Variants in CNTNAP5 observed in about 807,000 individuals in gnomAD.
CNTNAP5 encodes contactin associated protein family member 5.
A neutral mutation model predicts 150.2 loss-of-function variants in CNTNAP5; 72 were observed. The ratio of observed to expected loss-of-function variants is 0.48; its 90% confidence interval spans 0.40 to 0.58. The LOEUF (loss-of-function observed/expected upper bound fraction) is 0.58, where lower values mean the gene tolerates loss of function less well. Among genes scored for constraint, CNTNAP5 ranks in the 20% least tolerant of loss-of-function variants. The pLI is 0.00. For missense variants in CNTNAP5, 1,636 were observed against 1,626.2 expected (o/e 1.01, Z -0.10); for synonymous variants, 672 against 619.8 (o/e 1.08, Z -1.25).
At chr2:124,554,928 G>T (rs774305254) in intron 10 of CNTNAP5, among the ~76,000 whole-genome samples, 3 of 152,094 alleles carry the variant, frequency 2.0e-5, no homozygotes, top group Non-Finnish European at 4.4e-5. Context: ...GATATTCATT[G>T]TTAGACTTAA....
intron 3 of CNTNAP5, among the ~76,000 whole-genome samples, chr2:124,357,896 G>A (rs1349814872): frequency 2.0e-5 from 3 of 151,024 alleles, no homozygotes; most frequent in Non-Finnish European, 4.4e-5. Context: ...ATTACCTTGG[G>A]CAGTATGGCA....
In CNTNAP5 at chr2:124,107,594, T is replaced by A. The variant is rs561481575; in HGVS notation, c.82+81862T>A. ...TTGATTAGATTGTGTAGTAGAAAGT[T>A]ATGCTTTTAGTTAATCAAATTTTTT... On this transcript the variant is annotated intron_variant, in intron 1 of 23. Coordinates refer to ENST00000682447, the MANE Select transcript of CNTNAP5 (RefSeq NM_001367498.1). Among the ~76,000 whole-genome samples, 10 of 152,350 alleles carry A rather than the reference T, an allele frequency of 6.6e-5. No individual in the cohort carries two copies. The South Asian group carries it at 1.4e-3, about 22-fold the overall frequency.
chr2:124,200,022 T>C (rs1200110200), intron 1 of CNTNAP5, among the ~76,000 whole-genome samples: 1 of 152,196 alleles, frequency 6.6e-6, no homozygotes, highest in Non-Finnish European at 1.5e-5. Flanking sequence ...TGAATAATGT[T>C]CATGGTGGGC....
chr2:124,231,132 G>T (rs904156825), intron 2 of CNTNAP5, among the ~76,000 whole-genome samples: 1 of 152,138 alleles, frequency 6.6e-6, no homozygotes, highest in African/African-American at 2.4e-5. Flanking sequence ...AACAGCTGGT[G>T]CTTCTGCAAA....
intron 13 of CNTNAP5, among the ~76,000 whole-genome samples, chr2:124,701,094 T>C (rs1414549168): frequency 6.6e-6 from 1 of 152,044 alleles, no homozygotes; most frequent in African/African-American, 2.4e-5. Context: ...TAATGTACCT[T>C]AGATCTCTAG....
At chr2:124,711,960 G>C (rs1160206185) in intron 13 of CNTNAP5, among the ~76,000 whole-genome samples, 1 of 152,090 alleles carries the variant, frequency 6.6e-6, no homozygotes, top group African/African-American at 2.4e-5. Context: ...CCCTAGACAC[G>C]TGCAGAAGAT....
chr2:124,245,971 G>A (rs7592148), intron 3 of CNTNAP5, among the ~76,000 whole-genome samples: 27,819 of 151,756 alleles, frequency 0.18, 2,656 homozygotes, highest in Non-Finnish European at 0.22. Context: ...TCTCCAACTC[G>A]TAGGCCCAAG....
rs542519601 is a variant in CNTNAP5 at position 124,047,751 on chromosome 2, C to T, written c.82+22019C>T. On this transcript the variant is annotated intron_variant, in intron 1 of 23. Transcript: ENST00000682447. ...GGTACAGACTCCTTACTCAGCCCTC[C>T]TCTCTTTTTTCAGCTCTATCGTTCC... 5.8e-4 allele frequency among the ~76,000 whole-genome samples: 89 copies of T among 152,300 alleles called. 4 individuals are homozygous for T. In the South Asian group the frequency reaches 0.018, roughly 31 times the overall value.
intron 5 of CNTNAP5, among the ~76,000 whole-genome samples, chr2:124,444,330 C>A (rs1177434265): frequency 6.6e-6 from 1 of 152,146 alleles, no homozygotes; most frequent in Non-Finnish European, 1.5e-5. Context: ...CGCAGTGGCT[C>A]ACACCTGTAA....
intron 19 of CNTNAP5, among the ~76,000 whole-genome samples, chr2:124,856,075 GGTGTGTGTGTGTGTGTGT>G (rs56676705): frequency 4.9e-5 from 7 of 144,232 alleles, no homozygotes; most frequent in East Asian, 2.1e-4. Flanking sequence ...AATAGTCCAT[GGTGTGTGTGTGTGTGTGT>G]GTGTGTGTGT....
At chr2:124,324,197 A>G (rs144523343) in intron 3 of CNTNAP5, among the ~76,000 whole-genome samples, 208 of 152,286 alleles carry the variant, frequency 1.4e-3, no homozygotes, top group African/African-American at 4.5e-3. Context: ...TGAATTGGTA[A>G]AAAGTTCATG....
chr2:124,422,147 G>A (rs1692120094), intron 4 of CNTNAP5, among the ~76,000 whole-genome samples: 2 of 152,172 alleles, frequency 1.3e-5, no homozygotes, highest in African/African-American at 4.8e-5. Flanking sequence ...AGGCAACAAG[G>A]TTCATCTGGA....
intron 10 of CNTNAP5, among the ~76,000 whole-genome samples, chr2:124,543,520 C>A (rs1695437936): frequency 1.3e-5 from 2 of 152,140 alleles, no homozygotes; most frequent in Non-Finnish European, 2.9e-5. Context: ...AGGAATGGAA[C>A]AAAAAATTTT....
chr2:124,585,543 G>T (rs1696508713), intron 11 of CNTNAP5, among the ~76,000 whole-genome samples: 3 of 152,096 alleles, frequency 2.0e-5, no homozygotes, highest in South Asian at 2.1e-4. Context: ...TACATTCTTG[G>T]TCTTACAGGG....
At chr2:124,735,341 G>A (rs964099460) in intron 13 of CNTNAP5, among the ~76,000 whole-genome samples, 23 of 151,896 alleles carry the variant, frequency 1.5e-4, no homozygotes, top group African/African-American at 5.6e-4. Flanking sequence ...TCACTCCTAG[G>A]TAGCTACTGA....
At position 124,042,783 on chromosome 2, in the gene CNTNAP5, CATCTATCTATCTATCT is replaced by C. The variant is rs3036301; in HGVS notation, c.82+17083_82+17098del. Reference sequence around the variant, plus strand: ...CTCTTGCATAAGCGTAACTCTCTATCATCTATCTATCTATCTATCTATCTATCTATCTATCTATCTA... The same window carrying C: ...CTCTTGCATAAGCGTAACTCTCTATCATCTATCTATCTATCTATCTATCTA... On this transcript the variant is annotated intron_variant, in intron 1 of 23. Coordinates refer to ENST00000682447, the MANE Select transcript of CNTNAP5 (RefSeq NM_001367498.1). Among the ~76,000 whole-genome samples, 953 of 148,224 alleles carry C rather than the reference CATCTATCTATCTATCT, an allele frequency of 6.4e-3. 11 individuals carry two copies. Among genetic ancestry groups the C allele is most frequent in the African/African-American group, 0.022 (882 of 40,112 alleles).
At chr2:124,259,225 T>C (rs1029494522) in intron 3 of CNTNAP5, among the ~76,000 whole-genome samples, 1 of 152,166 alleles carries the variant, frequency 6.6e-6, no homozygotes, top group Non-Finnish European at 1.5e-5. Flanking sequence ...CCATGGTGTA[T>C]ATGTGCCACA....
chr2:124,638,847 G>GATCTT (rs1678027935), intron 12 of CNTNAP5, among the ~76,000 whole-genome samples: 3 of 152,174 alleles, frequency 2.0e-5, no homozygotes, highest in African/African-American at 7.2e-5. Flanking sequence ...AGTTTACAGA[G>GATCTT]ATCTTATGTA....
intron 19 of CNTNAP5, 84 bp downstream of exon 19, chr2:124,798,404 C>A: frequency 1.0e-6 from 1 of 990,846 alleles, no homozygotes; most frequent in East Asian, 2.5e-5. Flanking sequence ...TGCATAATTT[C>A]AACCTCAAGT....
Sources: allele counts gnomAD v4.1 joint callset (sites outside exome capture counted in the v4.1 genomes callset), GRCh38; gene constraint gnomAD v4.1.1; transcripts MANE v1.5; gene names NCBI Gene and HGNC (gene_info 2026-07-23, HGNC 2026-07-21).